Variants in AKAP6 observed in about 807,000 individuals in gnomAD.
AKAP6 encodes the protein A-kinase anchor protein 6.
Under a neutral mutation model 188.5 loss-of-function variants are expected in AKAP6, and 58 were observed. The observed-to-expected ratio is 0.31, with a 90% CI of 0.25 to 0.38. The LOEUF (loss-of-function observed/expected upper bound fraction) is 0.38. AKAP6 is among the 10% of genes least tolerant of loss of function. The probability of loss-of-function intolerance (pLI) is 1.00; values close to 1 mark genes in which losing one functional copy is unlikely to be tolerated. For missense variants in AKAP6, 2,710 were observed against 2,740.0 expected (o/e 0.99, Z 0.24); for synonymous variants, 989 against 998.6 (o/e 0.99, Z 0.18).
intron 11 of AKAP6, among the ~76,000 whole-genome samples, chr14:32,758,607 C>T (rs2032428309): frequency 6.6e-6 from 1 of 152,096 alleles, no homozygotes; most frequent in Non-Finnish European, 1.5e-5. Flanking sequence ...GTGGCACATG[C>T]CTGTAATCCC....
At chr14:32,655,713 C>T (rs925309049) in intron 7 of AKAP6, among the ~76,000 whole-genome samples, 8 of 152,060 alleles carry the variant, frequency 5.3e-5, no homozygotes, top group Admixed American at 4.6e-4. Context: ...GGTCAGGAAG[C>T]CTTTCTATTT....
At chr14:32,377,347 G>A (rs772299802) in intron 1 of AKAP6, among the ~76,000 whole-genome samples, 19 of 152,304 alleles carry the variant, frequency 1.2e-4, no homozygotes, top group Admixed American at 3.9e-4. Flanking sequence ...TGTTGTGTCT[G>A]ATCTTTGTCT....
At chr14:32,732,799 C>G (rs1380681185) in intron 10 of AKAP6, 199 bp downstream of exon 10, 1 of 644,814 alleles carries the variant, frequency 1.6e-6, no homozygotes. Context: ...CTGAGCTTGT[C>G]CCCTCTCAGA....
intron 2 of AKAP6, among the ~76,000 whole-genome samples, chr14:32,527,649 C>T (rs966150729): frequency 6.6e-6 from 1 of 152,126 alleles, no homozygotes; most frequent in African/African-American, 2.4e-5. Flanking sequence ...GTAATGGTAT[C>T]TCATTGTTTT....
In AKAP6 at chr14:32,824,110, C is replaced by A; in HGVS notation, c.6297C>A (p.His2099Gln). 4 of 1,613,960 alleles carry A rather than the reference C, an allele frequency of 2.5e-6. No individual in the cohort carries two copies. Among genetic ancestry groups the A allele is most frequent in the Non-Finnish European group, 3.4e-6 (4 of 1,179,930 alleles). The change falls in exon 13 of 14, where the codon CAC becomes CAA. Residue 2099 changes from histidine to glutamine, a missense_variant. Coordinates refer to ENST00000280979, the MANE Select transcript of AKAP6 (RefSeq NM_004274.5). ...QIKEKVLEHSHRPIQLRKGDF... is the reference protein window; with the variant it reads ...QIKEKVLEHSQRPIQLRKGDF... ...AGGAGAAAGTGTTGGAGCATTCTCA[C>A]CGGCCCATCCAGCTGAGAAAAGGGG...
At chr14:32,748,005 G>T (rs369522835) in intron 11 of AKAP6, among the ~76,000 whole-genome samples, 83 of 152,286 alleles carry the variant, frequency 5.5e-4, no homozygotes, top group African/African-American at 1.9e-3. Flanking sequence ...AGGAAAGAGA[G>T]ATCTCACCCA....
At chr14:32,510,432 A>G (rs1234848887) in intron 2 of AKAP6, among the ~76,000 whole-genome samples, 2 of 73,124 alleles carry the variant, frequency 2.7e-5, no homozygotes, top group African/African-American at 6.2e-5. Flanking sequence ...ATACATATAT[A>G]TATGTGTATA....
chr14:32,479,387 A>G (rs1879227146), intron 2 of AKAP6, among the ~76,000 whole-genome samples: 1 of 152,170 alleles, frequency 6.6e-6, no homozygotes, highest in Non-Finnish European at 1.5e-5. Flanking sequence ...TCAGTGGACC[A>G]CTAGAGATAT....
At chr14:32,685,801 G>A (rs1243519917) in intron 8 of AKAP6, among the ~76,000 whole-genome samples, 3 of 151,440 alleles carry the variant, frequency 2.0e-5, no homozygotes, top group South Asian at 2.1e-4. Context: ...AAATGCTGGC[G>A]AGGATGTAAA....
intron 9 of AKAP6, among the ~76,000 whole-genome samples, chr14:32,699,708 C>A (rs539402911): frequency 6.6e-5 from 10 of 152,146 alleles, no homozygotes; most frequent in Admixed American, 2.0e-4. Context: ...TTGGCAATAT[C>A]GTCAGCCTAG....
chr14:32,590,736 C>T (rs944165651), intron 5 of AKAP6, among the ~76,000 whole-genome samples: 6 of 152,032 alleles, frequency 3.9e-5, no homozygotes, highest in Non-Finnish European at 7.4e-5. Flanking sequence ...CAATTTATCG[C>T]CTTTGACAAA....
At chr14:32,458,612 G>A (rs901015980) in intron 2 of AKAP6, among the ~76,000 whole-genome samples, 4 of 152,050 alleles carry the variant, frequency 2.6e-5, no homozygotes, top group African/African-American at 9.7e-5. Flanking sequence ...AGAGGTTAAG[G>A]AGCAGAATAA....
rs2034608286 is a variant in AKAP6, at chr14:32,824,052, A to G, written c.6239A>G (p.Glu2080Gly). The G allele has an allele frequency of 6.2e-7, 1 of 1,613,836 alleles. No homozygotes were observed. Among genetic ancestry groups the G allele is most frequent in the African/African-American group, 1.3e-5 (1 of 74,914 alleles). Residue 2080 changes from glutamate to glycine, a missense_variant, in exon 13 of 14, where the codon GAG becomes GGG. Glu to Gly is a moderately conservative substitution (Grantham distance 98). Transcript: ENST00000280979. ...AAAAGTAAATCTCAACCTGAAAACG[A>G]GGTGGCTGCTCCTACTTCATTAACT... ...ALKSKSQPEN[E>G]VAAPTSLTQI...
chr14:32,610,524 G>C, intron 7 of AKAP6, among the ~76,000 whole-genome samples: 1 of 152,054 alleles, frequency 6.6e-6, no homozygotes, highest in East Asian at 1.9e-4. Flanking sequence ...TAGCAGTGGA[G>C]ACAGATGTGC....
Position 32,735,680 on chromosome 14 carries a change from A to G in AKAP6, c.3170A>G (p.Gln1057Arg), listed in dbSNP as rs1030110428. The G allele has an allele frequency of 6.8e-6, 11 of 1,608,288 alleles. No homozygotes were observed. Among genetic ancestry groups the G allele is most frequent in the Non-Finnish European group, 9.3e-6 (11 of 1,178,236 alleles). ...LLGKTLGEKI[Q>R]DTMAGHSGSS... is the part of the protein sequence containing the mutation. ...TAGAAAACCCTAGGAGAGAAGATCC[A>G]GGACACAATGGCAGGGCACAGTGGG... Residue 1057 changes from glutamine to arginine, a missense_variant, in exon 11 of 14, where the codon CAG becomes CGG. Gln to Arg is a conservative substitution (Grantham distance 43). Coordinates refer to ENST00000280979, the MANE Select transcript of AKAP6 (RefSeq NM_004274.5).
intron 11 of AKAP6, among the ~76,000 whole-genome samples, chr14:32,773,028 T>C (rs1388676482): frequency 6.6e-6 from 1 of 152,212 alleles, no homozygotes; most frequent in Non-Finnish European, 1.5e-5. Flanking sequence ...GGCATGTCCT[T>C]CTTAAATAGT....
chr14:32,532,268 T>C (rs1882454192), intron 2 of AKAP6, among the ~76,000 whole-genome samples: 1 of 152,224 alleles, frequency 6.6e-6, no homozygotes, highest in Admixed American at 6.5e-5. Context: ...ATGTGTTTAT[T>C]TGCCATCATT....
intron 12 of AKAP6, among the ~76,000 whole-genome samples, chr14:32,800,844 A>C (rs1049045731): frequency 6.6e-6 from 1 of 151,960 alleles, no homozygotes; most frequent in Non-Finnish European, 1.5e-5. Context: ...GCAAAAACCC[A>C]TCTATGCAAA....
rs542966274 is a variant in AKAP6, at chr14:32,775,547, C to A, written c.3588+1654C>A. Among the ~76,000 whole-genome samples the A allele has an allele frequency of 3.9e-5, 6 of 152,032 alleles. No homozygotes were observed. The East Asian group carries it at 1.2e-3, about 30-fold the overall frequency. Reference sequence around the variant, plus strand: ...TCCTGGGCTCAAGTGATCCCCCCACCTCAACCTCTCAAGTAGCTAGGACTA... The same window carrying A: ...TCCTGGGCTCAAGTGATCCCCCCACATCAACCTCTCAAGTAGCTAGGACTA... On this transcript the variant is annotated intron_variant, in intron 12 of 13. Coordinates refer to ENST00000280979, the MANE Select transcript of AKAP6 (RefSeq NM_004274.5).
Sources: allele counts gnomAD v4.1 joint callset (sites outside exome capture counted in the v4.1 genomes callset), GRCh38; gene constraint gnomAD v4.1.1; transcripts MANE v1.5; gene names NCBI Gene and HGNC (gene_info 2026-07-23, HGNC 2026-07-21).